RPSA2: variants seen among roughly 807,000 people sequenced by gnomAD.
RPSA2 encodes the protein ribosomal protein SA 2.
the RPSA2 span, among the ~76,000 whole-genome samples, chr19:23,772,716 A>AT: frequency 6.6e-6 from 1 of 152,182 alleles, no homozygotes; most frequent in Non-Finnish European, 1.5e-5. Flanking sequence ...GAAAGAGCCC[A>AT]TTGCTGAGGT....
the RPSA2 span, among the ~76,000 whole-genome samples, chr19:23,761,911 T>C: frequency 0.37 from 8,096 of 22,082 alleles, 847 homozygotes; most frequent in East Asian, 0.49. Flanking sequence ...ATTCTTTCTT[T>C]CTTTCTTTCT....
the RPSA2 span, among the ~76,000 whole-genome samples, chr19:23,868,894 A>G: frequency 6.6e-6 from 1 of 152,028 alleles, no homozygotes; most frequent in Non-Finnish European, 1.5e-5. Context: ...GCAAAAATGG[A>G]CAGAAGGCCA....
chr19:23,808,741 C>A, the RPSA2 span: 4 of 790,152 alleles, frequency 5.1e-6, no homozygotes, highest in African/African-American at 3.6e-5. Context: ...CTAAGCCAGA[C>A]CTGATCACCT....
At chr19:23,825,757 T>C in the RPSA2 span, among the ~76,000 whole-genome samples, 3 of 152,106 alleles carry the variant, frequency 2.0e-5, no homozygotes, top group African/African-American at 7.2e-5. Flanking sequence ...TGGCTAATAT[T>C]TTTGTATTTT....
the RPSA2 span, among the ~76,000 whole-genome samples, chr19:23,850,588 C>T: frequency 6.6e-6 from 1 of 150,978 alleles, no homozygotes; most frequent in Admixed American, 6.6e-5. Flanking sequence ...AGTATTCACA[C>T]GAAGTTTAAG....
the RPSA2 span, among the ~76,000 whole-genome samples, chr19:23,790,512 C>T: frequency 6.6e-6 from 1 of 152,058 alleles, no homozygotes; most frequent in South Asian, 2.1e-4. Flanking sequence ...CACTCAGGGC[C>T]TTGAGAAGGT....
the RPSA2 span, among the ~76,000 whole-genome samples, chr19:23,840,145 T>C: frequency 3.7e-4 from 56 of 152,330 alleles, no homozygotes; most frequent in Non-Finnish European, 6.8e-4. Flanking sequence ...CAAAACTGTG[T>C]CCACATTTTC....
the RPSA2 span, among the ~76,000 whole-genome samples, chr19:23,788,163 A>G: frequency 6.6e-6 from 1 of 152,164 alleles, no homozygotes; most frequent in Non-Finnish European, 1.5e-5. Flanking sequence ...CTCTGGGCCC[A>G]GCACCTATGT....
the RPSA2 span, among the ~76,000 whole-genome samples, chr19:23,826,031 C>CA: frequency 1.4e-5 from 2 of 143,428 alleles, no homozygotes; most frequent in African/African-American, 2.5e-5. Flanking sequence ...TATTTCTTGT[C>CA]AAAAAAAAAC....
the RPSA2 span, chr19:23,799,408 G>A: frequency 6.6e-6 from 1 of 152,272 alleles, no homozygotes; most frequent in South Asian, 2.1e-4. Flanking sequence ...TAGAAACTGT[G>A]GCTTAAATAA....
the RPSA2 span, among the ~76,000 whole-genome samples, chr19:23,791,901 G>T: frequency 1.3e-5 from 2 of 151,796 alleles, no homozygotes; most frequent in Admixed American, 1.3e-4. Context: ...CACCACACCT[G>T]GCTAATTTTT....
At chr19:23,821,080 C>T in the RPSA2 span, among the ~76,000 whole-genome samples, 20 of 152,180 alleles carry the variant, frequency 1.3e-4, no homozygotes, top group African/African-American at 4.6e-4. Flanking sequence ...TCTAGAGTTA[C>T]GTGAGGATTT....
At chr19:23,789,826 T>TACAGG in the RPSA2 span, among the ~76,000 whole-genome samples, 1 of 151,420 alleles carries the variant, frequency 6.6e-6, no homozygotes, top group Non-Finnish European at 1.5e-5. Flanking sequence ...TACAGGCATG[T>TACAGG]ACCAGGAAGC....
the RPSA2 span, among the ~76,000 whole-genome samples, chr19:23,813,445 G>C: frequency 1.3e-5 from 2 of 151,860 alleles, no homozygotes; most frequent in Admixed American, 6.6e-5. Context: ...TTACGTAAGT[G>C]AAATCATAAT....
the RPSA2 span, among the ~76,000 whole-genome samples, chr19:23,766,487 T>C: frequency 5.3e-5 from 8 of 149,748 alleles, no homozygotes; most frequent in African/African-American, 2.0e-4. Context: ...AGTCTTGCTC[T>C]GTCACCCAGG....
chr19:23,853,023 G>A, the RPSA2 span, among the ~76,000 whole-genome samples: 1 of 152,160 alleles, frequency 6.6e-6, no homozygotes. Flanking sequence ...ATATAATGAA[G>A]AATATAGGCC....
the RPSA2 span, chr19:23,809,513 T>G: frequency 6.6e-6 from 1 of 152,204 alleles, no homozygotes; most frequent in South Asian, 2.1e-4. Context: ...ATTTTTAAAT[T>G]TATTTGTGTC....
the RPSA2 span, among the ~76,000 whole-genome samples, chr19:23,824,187 G>A: frequency 2.0e-5 from 3 of 152,320 alleles, no homozygotes; most frequent in African/African-American, 7.2e-5. Flanking sequence ...AACAGTGACA[G>A]GTTATGCTGA....
chr19:23,762,807 T>C, the RPSA2 span: 1 of 152,218 alleles, frequency 6.6e-6, no homozygotes. Flanking sequence ...TTAGCTGTAA[T>C]TCCCTGTGCA....
Sources: allele counts gnomAD v4.1 joint callset (sites outside exome capture counted in the v4.1 genomes callset), GRCh38; gene constraint gnomAD v4.1.1; transcripts MANE v1.5; gene names NCBI Gene and HGNC (gene_info 2026-07-23, HGNC 2026-07-21).